The following PPFIA2 variants were observed in gnomAD, a reference collection of about 807,000 sequenced individuals.
PPFIA2 encodes the protein liprin-alpha-2.
PPFIA2 carries 46 observed loss-of-function variants against 175.5 expected under a neutral mutation model. The ratio of observed to expected loss-of-function variants is 0.26; its 90% CI spans 0.21 to 0.34. The LOEUF is 0.34. Among genes scored for constraint, PPFIA2 ranks in the 10% least tolerant of loss-of-function variants. The pLI, the probability that PPFIA2 is intolerant of heterozygous loss-of-function variation, is 1.00. For synonymous variants in PPFIA2, 568 were observed against 511.4 expected, an observed-to-expected ratio of 1.11 and a Z score of -1.49; for missense variants, 1,179 against 1,506.1, an observed-to-expected ratio of 0.78 and a Z score of 3.60.
chr12:81,306,754 G>A (rs1014922886), intron 22 of PPFIA2, among the ~76,000 whole-genome samples: 3 of 151,534 alleles, frequency 2.0e-5, no homozygotes, highest in Admixed American at 6.6e-5. Context: ...GTTAGCCAGG[G>A]TGGTCTCGAA....
chr12:81,482,782 T>C (rs1006387119), intron 4 of PPFIA2, among the ~76,000 whole-genome samples: 1 of 152,060 alleles, frequency 6.6e-6, no homozygotes, highest in Non-Finnish European at 1.5e-5. Flanking sequence ...AAATACCTAA[T>C]AGCTGTAGCT....
chr12:81,641,429 C>T (rs2064954483), intron 4 of PPFIA2, among the ~76,000 whole-genome samples: 1 of 152,122 alleles, frequency 6.6e-6, no homozygotes, highest in Non-Finnish European at 1.5e-5. Flanking sequence ...CCAAGGTACG[C>T]ACACCTTGAA....
At chr12:81,730,579 T>C (rs1204319325) in intron 3 of PPFIA2, among the ~76,000 whole-genome samples, 1 of 151,612 alleles carries the variant, frequency 6.6e-6, no homozygotes, top group African/African-American at 2.4e-5. Context: ...GGTCCCACCC[T>C]TGACATGTGG....
intron 4 of PPFIA2, among the ~76,000 whole-genome samples, chr12:81,622,450 A>T (rs1041875189): frequency 1.3e-5 from 2 of 152,068 alleles, no homozygotes; most frequent in African/African-American, 4.8e-5. Flanking sequence ...ATAAGAATGA[A>T]TTTTCAATTA....
chr12:81,415,574 A>G (rs1237443508), intron 7 of PPFIA2, among the ~76,000 whole-genome samples: 1 of 150,496 alleles, frequency 6.6e-6, no homozygotes, highest in Non-Finnish European at 1.5e-5. Flanking sequence ...GTTAGTTTAT[A>G]ATGATTAAAA....
rs11114894 is a variant in PPFIA2, at chr12:81,510,027, G to A, written c.304-52161C>T. On this transcript the variant is annotated intron_variant, in intron 4 of 32. Coordinates refer to ENST00000549396, the MANE Select transcript of PPFIA2 (RefSeq NM_003625.5). ...AACTGCTTAATTTCCTATGCTTCAC[G>A]TTTTGGTTTCTTCAGTTGGCAGGTT... 1.6e-3 allele frequency among the ~76,000 whole-genome samples: 249 copies of A among 152,132 alleles called. 1 individual carries two copies. The highest frequency in any genetic ancestry group is 5.5e-3 in the African/African-American group (228 of 41,508).
At chr12:81,510,469 A>T (rs2061649370) in intron 4 of PPFIA2, among the ~76,000 whole-genome samples, 1 of 152,198 alleles carries the variant, frequency 6.6e-6, no homozygotes, top group Non-Finnish European at 1.5e-5. Context: ...ACAATATCAT[A>T]TCTAGAATGT....
intron 4 of PPFIA2, among the ~76,000 whole-genome samples, chr12:81,489,458 C>A (rs1287831157): frequency 6.6e-6 from 1 of 151,612 alleles, no homozygotes; most frequent in Non-Finnish European, 1.5e-5. Flanking sequence ...TTGAAAGCAA[C>A]CAAAATAACA....
rs573340443 is a variant in PPFIA2 at position 81,549,142 on chromosome 12, C to T, written c.304-91276G>A. Among the ~76,000 whole-genome samples the T allele has an allele frequency of 2.3e-4, 35 of 152,172 alleles. No individual in the cohort carries two copies. The South Asian group carries it at 7.2e-3, about 31-fold the overall frequency. On this transcript the variant is annotated intron_variant, in intron 4 of 32. Transcript: ENST00000549396. Reference sequence around the variant, plus strand: ...GAATATATCCCTTAGAGATATCTGCCTTTCTGGGAAGAGCGTTGGCATGTA... The same window carrying T: ...GAATATATCCCTTAGAGATATCTGCTTTTCTGGGAAGAGCGTTGGCATGTA...
At chr12:81,575,437 A>G (rs894654619) in intron 4 of PPFIA2, among the ~76,000 whole-genome samples, 2 of 151,792 alleles carry the variant, frequency 1.3e-5, no homozygotes, top group African/African-American at 4.8e-5. Context: ...TAAAGTCTCA[A>G]TTAAGCTTAT....
chr12:81,330,868 G>A (rs754029540), intron 21 of PPFIA2, among the ~76,000 whole-genome samples: 11 of 152,206 alleles, frequency 7.2e-5, no homozygotes, highest in Non-Finnish European at 1.6e-4. Context: ...TTAGCTATCC[G>A]GAGACTGTAT....
chr12:81,409,514 A>G (rs879736446), intron 7 of PPFIA2, among the ~76,000 whole-genome samples: 1 of 152,070 alleles, frequency 6.6e-6, no homozygotes, highest in Non-Finnish European at 1.5e-5. Context: ...CTCTCTCTGT[A>G]TCATCTCACA....
At chr12:81,529,559 A>AAGAGAGAGAG (rs60373881) in intron 4 of PPFIA2, among the ~76,000 whole-genome samples, 27 of 145,692 alleles carry the variant, frequency 1.9e-4, no homozygotes, top group African/African-American at 4.6e-4. Flanking sequence ...GGGCAGTGGA[A>AAGAGAGAGAG]AGAGAGAGAG....
intron 4 of PPFIA2, among the ~76,000 whole-genome samples, chr12:81,532,781 T>A (rs1403198738): frequency 6.6e-6 from 1 of 151,804 alleles, no homozygotes; most frequent in Non-Finnish European, 1.5e-5. Flanking sequence ...GCTATGACTC[T>A]TATTTGTTTC....
chr12:81,380,580 G>T (rs1168362670), intron 9 of PPFIA2, among the ~76,000 whole-genome samples: 2 of 152,032 alleles, frequency 1.3e-5, no homozygotes, highest in Non-Finnish European at 2.9e-5. Context: ...GGACAGTTAT[G>T]TTGTAGCTTC....
chr12:81,312,324 T>A, intron 22 of PPFIA2: 2 of 700,824 alleles, frequency 2.9e-6, no homozygotes, highest in Non-Finnish European at 4.8e-6. Context: ...ATTTTGTATT[T>A]CATCATGACA....
rs979704740 is a variant in PPFIA2, at chr12:81,615,249, G to A, written c.303+61542C>T. 2.6e-5 allele frequency among the ~76,000 whole-genome samples: 4 copies of A among 152,158 alleles called. No individual in the cohort carries two copies. In the South Asian group the frequency reaches 8.3e-4, roughly 32 times the overall value. On this transcript the variant is annotated intron_variant, in intron 4 of 32. Transcript: ENST00000549396. ...ATGCAAGGATAAAATAACTGAGATG[G>A]GGAAGGCTGCAGGAGTAGTAGGTTT... is the stretch of plus-strand genomic sequence containing the variant.
chr12:81,294,827 T>C lies in PPFIA2; in HGVS notation c.2925+8A>G. 6 of 1,611,426 alleles carry C rather than the reference T, an allele frequency of 3.7e-6. No homozygotes were observed. Among genetic ancestry groups the C allele is most frequent in the Non-Finnish European group, 5.1e-6 (6 of 1,178,740 alleles). ...ACTGAGGAAGGGGAGGAGCAGAAAC[T>C]GACTCACAGTTCGAGATGTTGGAGG... On this transcript the variant is annotated splice_region_variant and intron_variant, in intron 24 of 32. Transcript: ENST00000549396.
chr12:81,650,905 AG>A (rs2066926821), intron 4 of PPFIA2, among the ~76,000 whole-genome samples: 1 of 152,244 alleles, frequency 6.6e-6, no homozygotes, highest in South Asian at 2.1e-4. Context: ...AGGAGTCTCC[AG>A]GCAGAAATAG....
Sources: allele counts gnomAD v4.1 joint callset (sites outside exome capture counted in the v4.1 genomes callset), GRCh38; gene constraint gnomAD v4.1.1; transcripts MANE v1.5; gene names NCBI Gene and HGNC (gene_info 2026-07-23, HGNC 2026-07-21).